RBFOX1: variants seen among roughly 807,000 people sequenced by gnomAD.
RBFOX1 encodes the protein RNA binding protein fox-1 homolog 1.
A neutral mutation model predicts 57.7 loss-of-function variants in RBFOX1; 8 were observed. The ratio of observed to expected loss-of-function variants is 0.14; its 90% CI spans 0.08 to 0.25. The LOEUF is 0.25. RBFOX1 is among the 10% of genes least tolerant of loss of function. The probability of loss-of-function intolerance (pLI) is 1.00; values close to 1 mark genes in which losing one functional copy is unlikely to be tolerated. For missense variants in RBFOX1, 611 were observed against 548.5 expected (o/e 1.11, Z -1.14); for synonymous variants, 326 against 222.4 (o/e 1.47, Z -4.15).
At chr16:5,252,151 G>T (rs536396174) in intron 1 of RBFOX1, among the ~76,000 whole-genome samples, 1 of 152,312 alleles carries the variant, frequency 6.6e-6, no homozygotes, top group African/African-American at 2.4e-5. Context: ...GGACAGGGAA[G>T]TGTGGAAGGG....
At chr16:6,906,879 C>T (rs1402204539) in intron 3 of RBFOX1, among the ~76,000 whole-genome samples, 1 of 151,864 alleles carries the variant, frequency 6.6e-6, no homozygotes, top group South Asian at 2.1e-4. Context: ...CCTGCCACCC[C>T]ACCTGGTTAA....
intron 3 of RBFOX1, among the ~76,000 whole-genome samples, chr16:5,811,205 C>T (rs545299855): frequency 2.4e-5 from 3 of 126,546 alleles, no homozygotes; most frequent in Admixed American, 9.9e-5. Context: ...TGCAATGGTG[C>T]GATCTCGGCT....
intron 1 of RBFOX1, among the ~76,000 whole-genome samples, chr16:5,263,329 CT>C (rs1395011938): frequency 6.6e-6 from 1 of 152,024 alleles, no homozygotes; most frequent in Non-Finnish European, 1.5e-5. Flanking sequence ...TCTGCAATTA[CT>C]TTTGCACCAA....
chr16:7,509,585 G>A (rs78483360), intron 4 of RBFOX1, among the ~76,000 whole-genome samples: 1 of 152,158 alleles, frequency 6.6e-6, no homozygotes, highest in African/African-American at 2.4e-5. Context: ...TACACAGCCA[G>A]TCTGCAAAAG....
intron 3 of RBFOX1, among the ~76,000 whole-genome samples, chr16:6,917,513 A>G (rs1179787849): frequency 6.6e-6 from 1 of 152,158 alleles, no homozygotes; most frequent in Non-Finnish European, 1.5e-5. Context: ...TGGTAGAAAC[A>G]CTCTGTCCAA....
rs71386513 is a variant in RBFOX1 at position 5,657,732 on chromosome 16, C to CTTTTTTTTTTTTTTTTTTTTT, written c.318+58775_318+58776insTTTTTTTTTTTTTTTTTTTTT. Among the ~76,000 whole-genome samples, 10 of 98,352 alleles carry CTTTTTTTTTTTTTTTTTTTTT rather than the reference C, an allele frequency of 1.0e-4. 5 individuals carry two copies. The highest frequency in any genetic ancestry group is 8.1e-5 in the African/African-American group (2 of 24,712). 64.5% of individuals were successfully genotyped at this position (98,352 alleles called of 152,430 possible). A position where few individuals can be genotyped will look rare whatever the true frequency, so the allele number is the denominator to read the frequency against. On this transcript the variant is annotated intron_variant, in intron 3 of 19. Transcript: ENST00000641259. ...TTTCTCTCTTTCTTTTGTTTCTTTTCTTTTCTTTTTTTTTTTTTGAGACAG... is the reference window on the plus strand; with the variant it reads ...TTTCTCTCTTTCTTTTGTTTCTTTTCTTTTTTTTTTTTTTTTTTTTTTTTTCTTTTTTTTTTTTTGAGACAG...
chr16:6,802,533 C>A (rs947123936), intron 3 of RBFOX1, among the ~76,000 whole-genome samples: 1 of 152,030 alleles, frequency 6.6e-6, no homozygotes, highest in Non-Finnish European at 1.5e-5. Context: ...AAAAGTTACT[C>A]GGGCATGGTG....
chr16:5,720,674 G>C (rs776491675), intron 3 of RBFOX1, among the ~76,000 whole-genome samples: 1 of 152,128 alleles, frequency 6.6e-6, no homozygotes, highest in Non-Finnish European at 1.5e-5. Context: ...GACATCATTT[G>C]TTGAAAAGAT....
chr16:5,426,760 G>T (rs963730438), intron 1 of RBFOX1, among the ~76,000 whole-genome samples: 16 of 152,256 alleles, frequency 1.1e-4, no homozygotes, highest in African/African-American at 1.4e-4. Flanking sequence ...GACCCCAGGG[G>T]AGAGAGAGGC....
At chr16:6,878,646 C>T (rs577134057) in intron 3 of RBFOX1, among the ~76,000 whole-genome samples, 20 of 152,196 alleles carry the variant, frequency 1.3e-4, no homozygotes, top group Non-Finnish European at 2.1e-4. Context: ...CACTGTGGTT[C>T]GTGTTAGCGT....
At chr16:7,211,290 G>A (rs1271211359) in intron 4 of RBFOX1, among the ~76,000 whole-genome samples, 3 of 151,372 alleles carry the variant, frequency 2.0e-5, no homozygotes, top group Admixed American at 6.6e-5. Context: ...TTCTCGGGAG[G>A]CTGAGGCAGG....
At chr16:6,562,691 G>C (rs904505568) in intron 2 of RBFOX1, among the ~76,000 whole-genome samples, 4 of 152,122 alleles carry the variant, frequency 2.6e-5, no homozygotes, top group African/African-American at 9.7e-5. Flanking sequence ...CTTGGAACCA[G>C]GTGAAACAGT....
chr16:6,527,475 A>G (rs34724892), intron 2 of RBFOX1, among the ~76,000 whole-genome samples: 1 of 152,164 alleles, frequency 6.6e-6, no homozygotes, highest in African/African-American at 2.4e-5. Context: ...ACACGTGGAT[A>G]AATATTCAAG....
chr16:7,444,364 A>G (rs11640070), intron 4 of RBFOX1, among the ~76,000 whole-genome samples: 98,378 of 151,970 alleles, frequency 0.65, 33,155 homozygotes, highest in African/African-American at 0.83. Flanking sequence ...AGTTATCTAG[A>G]TGTTAGAGTC....
In RBFOX1 at chr16:5,969,298, CTTTTTTTTTT is replaced by C. The variant is rs71142659; in HGVS notation, c.351+101979_351+101988del. On this transcript the variant is annotated intron_variant, in intron 4 of 19. Coordinates refer to the RBFOX1 transcript ENST00000641259. ...ATGCCTGTGATTATTTTCGGTTGTT[CTTTTTTTTTT>C]TTTTTTTTTTTTTTTGGTTTGGAAA... Among the ~76,000 whole-genome samples, 9 of 83,750 alleles carry C rather than the reference CTTTTTTTTTT, an allele frequency of 1.1e-4. No homozygotes were observed. In the South Asian group the frequency reaches 2.0e-3, roughly 19 times the overall value. 54.9% of individuals were successfully genotyped at this position (83,750 alleles called of 152,430 possible).
chr16:7,461,160 A>G (rs1389948108), intron 4 of RBFOX1, among the ~76,000 whole-genome samples: 1 of 151,578 alleles, frequency 6.6e-6, no homozygotes, highest in Non-Finnish European at 1.5e-5. Flanking sequence ...AGGATGAAAA[A>G]ACAAAGGCAA....
At chr16:5,407,772 C>G (rs1025184731) in intron 1 of RBFOX1, among the ~76,000 whole-genome samples, 1 of 152,186 alleles carries the variant, frequency 6.6e-6, no homozygotes, top group Non-Finnish European at 1.5e-5. Flanking sequence ...TGGTCTCGAA[C>G]TCCTGACCTC....
chr16:7,557,174 C>T (rs1205278330), intron 5 of RBFOX1, among the ~76,000 whole-genome samples: 2 of 152,126 alleles, frequency 1.3e-5, no homozygotes, highest in African/African-American at 2.4e-5. Flanking sequence ...CCTACTGTCA[C>T]GTGCTACTCA....
At chr16:6,148,102 G>T (rs184755144) in intron 1 of RBFOX1, among the ~76,000 whole-genome samples, 1 of 152,324 alleles carries the variant, frequency 6.6e-6, no homozygotes, top group African/African-American at 2.4e-5. Flanking sequence ...GCCGAGGCGG[G>T]TGGATCACCT....
Sources: allele counts gnomAD v4.1 joint callset (sites outside exome capture counted in the v4.1 genomes callset), GRCh38; gene constraint gnomAD v4.1.1; transcripts MANE v1.5; gene names NCBI Gene and HGNC (gene_info 2026-07-23, HGNC 2026-07-21).